RARB: variants seen among roughly 807,000 people sequenced by gnomAD.
RARB encodes HBV-activated protein.
RARB carries 17 observed loss-of-function variants against 51.9 expected under a neutral mutation model. That is an observed-to-expected ratio of 0.33 (90% CI 0.22 to 0.49). The LOEUF is 0.49. RARB is among the 20% of genes least tolerant of loss of function. The probability of loss-of-function intolerance (pLI) is 0.99; values close to 1 mark genes in which losing one functional copy is unlikely to be tolerated. For synonymous variants in RARB, 215 were observed against 195.4 expected, an observed-to-expected ratio of 1.10 and a Z score of -0.84; for missense variants, 369 against 550.8, an observed-to-expected ratio of 0.67 and a Z score of 3.30.
chr3:25,456,011 CTAA>C (rs1022451663), intron 1 of RARB, among the ~76,000 whole-genome samples: 1 of 152,222 alleles, frequency 6.6e-6, no homozygotes, highest in African/African-American at 2.4e-5. Context: ...CCTGGGAAGT[CTAA>C]AAACTGCTTT....
intron 1 of RARB, among the ~76,000 whole-genome samples, chr3:24,832,849 G>A (rs1327185799): frequency 6.6e-6 from 1 of 151,802 alleles, no homozygotes; most frequent in Non-Finnish European, 1.5e-5. Context: ...TTTCTCATCT[G>A]ATAAATGAGA....
At chr3:25,581,484 A>G (rs1460544504) in intron 5 of RARB, among the ~76,000 whole-genome samples, 3 of 151,804 alleles carry the variant, frequency 2.0e-5, no homozygotes, top group Non-Finnish European at 4.4e-5. Context: ...AAGTGTGCTG[A>G]CCCCCTTACC....
intron 3 of RARB, among the ~76,000 whole-genome samples, chr3:25,512,982 T>C (rs1697970195): frequency 6.6e-6 from 1 of 152,100 alleles, no homozygotes; most frequent in Non-Finnish European, 1.5e-5. Context: ...TAGATATTTC[T>C]GGAATGAATT....
intron 2 of RARB, among the ~76,000 whole-genome samples, chr3:24,983,206 C>A (rs2125427403): frequency 6.6e-6 from 1 of 152,158 alleles, no homozygotes; most frequent in Admixed American, 6.5e-5. Context: ...ACACATCTGC[C>A]AACCTCATTA....
chr3:25,165,480 T>C (rs139305238), intron 4 of RARB, among the ~76,000 whole-genome samples: 1 of 152,294 alleles, frequency 6.6e-6, no homozygotes, highest in Admixed American at 6.5e-5. Context: ...TTCCAAGCTC[T>C]CTCTCAGGCA....
chr3:25,407,913 G>A (rs1707455351), intron 5 of RARB, among the ~76,000 whole-genome samples: 1 of 152,114 alleles, frequency 6.6e-6, no homozygotes, highest in Non-Finnish European at 1.5e-5. Flanking sequence ...AGTTCCAAGT[G>A]TACACTTCAT....
intron 3 of RARB, among the ~76,000 whole-genome samples, chr3:25,120,970 C>A (rs1699775414): frequency 6.6e-6 from 1 of 152,070 alleles, no homozygotes; most frequent in Middle Eastern, 3.4e-3. Context: ...ATTATCAGAC[C>A]CTTTACAGAA....
intron 2 of RARB, among the ~76,000 whole-genome samples, chr3:24,968,724 C>A (rs150754232): frequency 6.6e-6 from 1 of 152,080 alleles, no homozygotes; most frequent in Admixed American, 6.6e-5. Flanking sequence ...CAGGGCAAGT[C>A]CCAATGTGCA....
At chr3:25,557,709 C>T (rs17526457) in intron 3 of RARB, among the ~76,000 whole-genome samples, 4,816 of 152,218 alleles carry the variant, frequency 0.032, 177 homozygotes, top group Admixed American at 0.12. Flanking sequence ...CTTCAGTGGT[C>T]CCTATACCCC....
At chr3:25,415,089 G>C (rs528048947) in intron 5 of RARB, among the ~76,000 whole-genome samples, 1 of 152,098 alleles carries the variant, frequency 6.6e-6, no homozygotes, top group Non-Finnish European at 1.5e-5. Context: ...TGATCTACCT[G>C]CCTCGGCCTC....
intron 7 of RARB, among the ~76,000 whole-genome samples, chr3:25,595,253 T>C (rs952461273): frequency 5.6e-4 from 85 of 152,322 alleles, no homozygotes; most frequent in African/African-American, 1.9e-3. Flanking sequence ...GGTTTTTCTA[T>C]GTAGAGAGAC....
chr3:25,075,958 A>G (rs1009289465), intron 3 of RARB, among the ~76,000 whole-genome samples: 23 of 152,204 alleles, frequency 1.5e-4, no homozygotes, highest in Admixed American at 6.5e-5. Flanking sequence ...AGAGAATGCT[A>G]GAAAACCCAC....
intron 5 of RARB, among the ~76,000 whole-genome samples, chr3:25,363,188 A>C (rs764799651): frequency 8.5e-5 from 13 of 152,160 alleles, no homozygotes; most frequent in Non-Finnish European, 1.9e-4. Flanking sequence ...AGTACAAAGA[A>C]AAATGTAAAA....
At chr3:25,340,704 A>G (rs1168171142) in intron 5 of RARB, among the ~76,000 whole-genome samples, 2 of 152,210 alleles carry the variant, frequency 1.3e-5, no homozygotes, top group South Asian at 2.1e-4. Context: ...GTGAAAAACA[A>G]GAGAGATTTT....
chr3:25,290,482 T>G (rs899718209), intron 5 of RARB, among the ~76,000 whole-genome samples: 1 of 152,300 alleles, frequency 6.6e-6, no homozygotes, highest in African/African-American at 2.4e-5. Context: ...CTATGGTGTT[T>G]TGTTATGGCA....
At chr3:25,436,009 C>T (rs896097495) in intron 1 of RARB, among the ~76,000 whole-genome samples, 1 of 152,148 alleles carries the variant, frequency 6.6e-6, no homozygotes, top group Admixed American at 6.5e-5. Context: ...AAGTAAATTA[C>T]CGGTTCCATT....
chr3:24,899,898 C>G (rs1703564236), intron 2 of RARB, among the ~76,000 whole-genome samples: 1 of 147,576 alleles, frequency 6.8e-6, no homozygotes. Flanking sequence ...GAAGGAAGGG[C>G]AAATGTTTAA....
chr3:25,168,429 C>G (rs948477791), intron 4 of RARB, among the ~76,000 whole-genome samples: 2 of 151,980 alleles, frequency 1.3e-5, no homozygotes, highest in African/African-American at 4.8e-5. Flanking sequence ...TTTCACCATA[C>G]TGGCCAGGCT....
At chr3:25,290,766 C>T (rs1703766981) in intron 5 of RARB, among the ~76,000 whole-genome samples, 1 of 152,116 alleles carries the variant, frequency 6.6e-6, no homozygotes, top group Non-Finnish European at 1.5e-5. Context: ...ATATAAGGGC[C>T]ATTGACAGTG....
Sources: gnomAD v4.1 joint callset for allele counts (sites outside exome capture counted in the v4.1 genomes callset) on GRCh38, gnomAD v4.1.1 for gene constraint, MANE v1.5 for transcripts, NCBI Gene and HGNC (gene_info 2026-07-23, HGNC 2026-07-21) for gene names.